The following ZMAT4 variants were observed in gnomAD, a reference collection of about 807,000 sequenced individuals.
ZMAT4 encodes the protein zinc finger matrin-type protein 4.
A neutral mutation model predicts 28.7 loss-of-function variants in ZMAT4; 17 were observed. That is an observed-to-expected ratio of 0.59 (90% CI 0.41 to 0.89). The LOEUF is 0.89. Among genes scored for constraint, ZMAT4 ranks in the 40% least tolerant of loss-of-function variants. The probability of loss-of-function intolerance (pLI) is 0.00; values close to 1 mark genes in which losing one functional copy is unlikely to be tolerated. For synonymous variants in ZMAT4, 117 were observed against 109.2 expected (o/e 1.07, Z -0.44); for missense variants, 240 against 283.8 (o/e 0.85, Z 1.11).
At chr8:40,669,004 G>A (rs182434026) in intron 5 of ZMAT4, among the ~76,000 whole-genome samples, 6 of 152,180 alleles carry the variant, frequency 3.9e-5, no homozygotes, top group African/African-American at 1.4e-4. Context: ...CATAGGTCAG[G>A]GGGGTCAGGA....
At chr8:40,891,081 C>T (rs1352710970) in intron 1 of ZMAT4, among the ~76,000 whole-genome samples, 1 of 150,216 alleles carries the variant, frequency 6.7e-6, no homozygotes, top group East Asian at 2.0e-4. Context: ...TGCTTGTAAT[C>T]CCAGAGCTTT....
In ZMAT4 at chr8:40,824,644, GGGAA is replaced by G. The variant is rs1458742743; in HGVS notation, c.102+927_102+930del. Among the ~76,000 whole-genome samples, 8 of 130,856 alleles carry G rather than the reference GGGAA, an allele frequency of 6.1e-5. 1 individual carries two copies. In the South Asian group the frequency reaches 2.0e-3, roughly 32 times the overall value. The allele number at this position is 130,856 out of a possible 152,430, so 85.8% of individuals were successfully genotyped here. A position where few individuals can be genotyped will look rare whatever the true frequency, so the allele number is the denominator to read the frequency against. ...AAGGAAGAAAAAAAGAAAGGAAGAA[GGGAA>G]GGAAGGAAGGGAAGGAAAGGAAAGA... is the stretch of plus-strand genomic sequence containing the variant. On this transcript the variant is annotated intron_variant, in intron 2 of 6. Transcript: ENST00000297737.
At chr8:40,783,017 G>A (rs146955155) in intron 2 of ZMAT4, among the ~76,000 whole-genome samples, 5 of 152,226 alleles carry the variant, frequency 3.3e-5, no homozygotes, top group Non-Finnish European at 7.3e-5. Flanking sequence ...AGTTCATGAA[G>A]AAGTGAGAGT....
intron 2 of ZMAT4, among the ~76,000 whole-genome samples, chr8:40,823,474 C>T (rs888143767): frequency 6.6e-5 from 10 of 152,052 alleles, no homozygotes; most frequent in South Asian, 2.1e-4. Context: ...CTGGCTAACA[C>T]GGTAAAACCC....
intron 3 of ZMAT4, among the ~76,000 whole-genome samples, chr8:40,727,851 C>A (rs887102105): frequency 2.0e-5 from 3 of 152,080 alleles, no homozygotes; most frequent in Admixed American, 6.6e-5. Context: ...ATACAAAAAC[C>A]ATTATTAATT....
chr8:40,867,837 A>G (rs72642903), intron 1 of ZMAT4, among the ~76,000 whole-genome samples: 35,146 of 152,150 alleles, frequency 0.23, 4,902 homozygotes, highest in East Asian at 0.39. Context: ...ATCTTATAAA[A>G]TACTATAGAA....
intron 6 of ZMAT4, among the ~76,000 whole-genome samples, chr8:40,562,905 C>G (rs934951912): frequency 6.6e-6 from 1 of 152,154 alleles, no homozygotes; most frequent in Non-Finnish European, 1.5e-5. Flanking sequence ...GACTTCTCTT[C>G]CTTTGTCACG....
chr8:40,896,628 G>A (rs536894140), intron 1 of ZMAT4, among the ~76,000 whole-genome samples: 1 of 152,314 alleles, frequency 6.6e-6, no homozygotes, highest in Admixed American at 6.5e-5. Flanking sequence ...GGCAGGGGGA[G>A]AAAGGAGTTT....
At position 40,601,489 on chromosome 8, in the gene ZMAT4, G is replaced by GAAA. The variant is rs367852773; in HGVS notation, c.578-20231_578-20229dup. Among the ~76,000 whole-genome samples, 131 of 96,094 alleles carry GAAA rather than the reference G, an allele frequency of 1.4e-3. 2 individuals carry two copies. Among genetic ancestry groups the GAAA allele is most frequent in the East Asian group, 1.8e-3 (2 of 1,128 alleles). The allele number at this position is 96,094 out of a possible 152,430, so 63.0% of individuals were successfully genotyped here. A position where few individuals can be genotyped will look rare whatever the true frequency, so the allele number is the denominator to read the frequency against. On this transcript the variant is annotated intron_variant, in intron 5 of 6. Coordinates refer to ENST00000297737, the MANE Select transcript of ZMAT4 (RefSeq NM_024645.3). ...GAAAGGAAAGAAAGAAAGAAAGAAAGAAAGAGAGAAAGAAAGAAAGAGAAA... is the reference window on the plus strand; with the variant it reads ...GAAAGGAAAGAAAGAAAGAAAGAAAGAAAAAAGAGAGAAAGAAAGAAAGAGAAA...
chr8:40,617,918 T>C (rs1156371696), intron 5 of ZMAT4, among the ~76,000 whole-genome samples: 4 of 152,196 alleles, frequency 2.6e-5, no homozygotes, highest in African/African-American at 9.7e-5. Flanking sequence ...CTCCCACAGA[T>C]AGTTTTGTTA....
intron 5 of ZMAT4, among the ~76,000 whole-genome samples, chr8:40,622,417 C>T (rs1806234011): frequency 6.6e-6 from 1 of 152,184 alleles, no homozygotes; most frequent in Admixed American, 6.5e-5. Context: ...CCTGGCATAA[C>T]ACAGAGTTAC....
chr8:40,817,045 T>A (rs749540668), intron 2 of ZMAT4, among the ~76,000 whole-genome samples: 2 of 152,106 alleles, frequency 1.3e-5, no homozygotes, highest in East Asian at 1.9e-4. Context: ...CTTGCTTTTT[T>A]AAGATAATCT....
chr8:40,712,396 C>T (rs1295624125), intron 3 of ZMAT4, among the ~76,000 whole-genome samples: 1 of 152,214 alleles, frequency 6.6e-6, no homozygotes, highest in Non-Finnish European at 1.5e-5. Flanking sequence ...TCCACTGTGT[C>T]CCCCAGACTC....
chr8:40,725,622 G>C (rs1811286892), intron 3 of ZMAT4, among the ~76,000 whole-genome samples: 1 of 152,030 alleles, frequency 6.6e-6, no homozygotes, highest in Admixed American at 6.6e-5. Context: ...TTCACTCTGG[G>C]GCTTATGTAC....
At chr8:40,746,629 A>G (rs1187393136) in intron 3 of ZMAT4, among the ~76,000 whole-genome samples, 1 of 152,080 alleles carries the variant, frequency 6.6e-6, no homozygotes, top group Non-Finnish European at 1.5e-5. Context: ...TGCTGGGATT[A>G]CAGGCATGAG....
intron 5 of ZMAT4, among the ~76,000 whole-genome samples, chr8:40,631,114 A>T (rs1019555736): frequency 1.1e-4 from 17 of 152,240 alleles, no homozygotes; most frequent in Middle Eastern, 3.4e-3. Context: ...CCACACTGTA[A>T]TGGAATATGA....
intron 1 of ZMAT4, among the ~76,000 whole-genome samples, chr8:40,849,205 G>A (rs138377994): frequency 6.6e-6 from 1 of 152,344 alleles, no homozygotes; most frequent in African/African-American, 2.4e-5. Flanking sequence ...GACAAAGCCT[G>A]TTAGCCTCTT....
At chr8:40,662,195 G>C (rs936562128) in intron 5 of ZMAT4, among the ~76,000 whole-genome samples, 1 of 151,856 alleles carries the variant, frequency 6.6e-6, no homozygotes, top group African/African-American at 2.4e-5. Flanking sequence ...TGCCCAGGTT[G>C]CTCTCGAATT....
intron 1 of ZMAT4, among the ~76,000 whole-genome samples, chr8:40,892,442 G>A (rs547662168): frequency 4.6e-5 from 7 of 152,258 alleles, no homozygotes; most frequent in South Asian, 4.1e-4. Context: ...AAGAGTCATC[G>A]GCATAAACAG....
Sources: allele counts gnomAD v4.1 joint callset (sites outside exome capture counted in the v4.1 genomes callset), GRCh38; gene constraint gnomAD v4.1.1; transcripts MANE v1.5; gene names NCBI Gene and HGNC (gene_info 2026-07-23, HGNC 2026-07-21).